Variants in SCN11A observed in about 807,000 individuals in gnomAD.
The protein encoded by SCN11A is sodium channel protein type 11 subunit alpha.
A neutral mutation model predicts 162.2 loss-of-function variants in SCN11A; 122 were observed. The ratio of observed to expected loss-of-function variants is 0.75; its 90% CI spans 0.65 to 0.87. The LOEUF is 0.87. Among genes scored for constraint, SCN11A ranks in the 40% least tolerant of loss-of-function variants. The pLI, the probability that SCN11A is intolerant of heterozygous loss-of-function variation, is 0.00. For synonymous variants in SCN11A, 758 were observed against 751.5 expected, an observed-to-expected ratio of 1.01 and a Z score of -0.14; for missense variants, 2,015 against 2,181.6, an observed-to-expected ratio of 0.92 and a Z score of 1.52.
At chr3:39,018,774 C>T (rs1175935454) in intron 2 of SCN11A, among the ~76,000 whole-genome samples, 2 of 152,034 alleles carry the variant, frequency 1.3e-5, no homozygotes, top group African/African-American at 4.8e-5. Flanking sequence ...GCCGAGATGG[C>T]GCCACTGCAC....
At position 38,920,939 on chromosome 3, in the gene SCN11A, AGGAGCAC is replaced by A. The variant is rs2066039779; in HGVS notation, c.892+130_892+136del. On this transcript the variant is annotated intron_variant, in intron 10 of 29. Coordinates refer to ENST00000302328, the MANE Select transcript of SCN11A (RefSeq NM_001349253.2). ...TTCTCTAGGAAATGCATCTGCCCAC[AGGAGCAC>A]CCTGGATGGATGAAGTCCTCCCTTG... 24 of 789,474 alleles carry A rather than the reference AGGAGCAC, an allele frequency of 3.0e-5. No individual in the cohort carries two copies. The South Asian group carries it at 4.1e-4, about 13-fold the overall frequency. 48.9% of individuals were successfully genotyped at this position (789,474 alleles called of 1,614,324 possible). A position where few individuals can be genotyped will look rare whatever the true frequency, so the allele number is the denominator to read the frequency against.
At chr3:39,001,064 C>A (rs757879003) in intron 2 of SCN11A, among the ~76,000 whole-genome samples, 1 of 152,162 alleles carries the variant, frequency 6.6e-6, no homozygotes, top group Non-Finnish European at 1.5e-5. Context: ...ACAAAATCCA[C>A]GATTATGCCA....
At position 38,925,528 on chromosome 3, in the gene SCN11A, G is replaced by A. The variant is rs1225370727; in HGVS notation, c.618-19C>T. ...CACAATCCTACAAGACAAAGCACAG[G>A]GAAGGCATGGGCTTGCTCAGTCCTG... On this transcript the variant is annotated intron_variant, in intron 8 of 29. Coordinates refer to ENST00000302328, the MANE Select transcript of SCN11A (RefSeq NM_001349253.2). 2 of 1,554,872 alleles carry A rather than the reference G, an allele frequency of 1.3e-6. No individual in the cohort carries two copies.
At chr3:38,912,665 G>T (rs1383907104) in intron 11 of SCN11A, among the ~76,000 whole-genome samples, 1 of 151,924 alleles carries the variant, frequency 6.6e-6, no homozygotes, top group Non-Finnish European at 1.5e-5. Context: ...AGTAGCTGTT[G>T]TTCTTTTCTA....
intron 11 of SCN11A, among the ~76,000 whole-genome samples, chr3:38,918,480 A>C (rs1393897110): frequency 6.6e-6 from 1 of 152,216 alleles, no homozygotes; most frequent in Non-Finnish European, 1.5e-5. Context: ...CACGCTCCTT[A>C]TGAGAATCTA....
At chr3:38,865,036 GTGTTCTAAAATATTTA>G (rs531652833) in intron 27 of SCN11A, among the ~76,000 whole-genome samples, 18 of 152,218 alleles carry the variant, frequency 1.2e-4, no homozygotes, top group African/African-American at 4.1e-4. Context: ...AAAAAGAGAT[GTGTTCTAAAATATTTA>G]TGAATCAAAT....
At chr3:38,974,567 C>T (rs1324469259) in intron 2 of SCN11A, among the ~76,000 whole-genome samples, 2 of 151,656 alleles carry the variant, frequency 1.3e-5, no homozygotes, top group African/African-American at 2.4e-5. Flanking sequence ...TGGCAGCAGG[C>T]GCCTGTAGTC....
intron 2 of SCN11A, among the ~76,000 whole-genome samples, chr3:38,980,223 G>A (rs1039473294): frequency 4.6e-5 from 7 of 151,040 alleles, no homozygotes; most frequent in Non-Finnish European, 8.8e-5. Context: ...ATCTCTTTCT[G>A]CTTTCTTTGA....
At chr3:39,049,730 T>C (rs778905348) in intron 1 of SCN11A, among the ~76,000 whole-genome samples, 21 of 152,220 alleles carry the variant, frequency 1.4e-4, no homozygotes, top group Non-Finnish European at 2.5e-4. Context: ...GTTCATTTCA[T>C]CCATATGATT....
chr3:38,883,533 A>C (rs2065345649), intron 21 of SCN11A, 146 bp from the exon 22 acceptor site: 1 of 703,028 alleles, frequency 1.4e-6, no homozygotes, highest in Non-Finnish European at 2.3e-6. Flanking sequence ...TTTTTCTAAC[A>C]TCTTAAATCT....
chr3:39,018,634 T>C (rs1434741116), intron 2 of SCN11A, among the ~76,000 whole-genome samples: 1 of 151,918 alleles, frequency 6.6e-6, no homozygotes, highest in Admixed American at 6.6e-5. Context: ...CTGGCTAACA[T>C]GGTGAAATCC....
chr3:38,883,373 AG>A lies in SCN11A; in HGVS notation c.3078del (p.Pro1028HisfsTer25). 6.2e-7 allele frequency: 1 copy of A among 1,612,960 alleles called. No homozygotes were observed. The highest frequency in any genetic ancestry group is 8.5e-7 in the Non-Finnish European group (1 of 1,179,594). ...ERCLPKGFGC[C>X]FPCCSVDKRK... ...CTCTTGTCCACGCTACAGCATGGAA[AG>A]CAGCAACCAAAGCCTGAAAGGAATT... On this transcript the variant is annotated frameshift_variant, in exon 22 of 30. Transcript: ENST00000302328. LOFTEE classifies it high-confidence loss of function.
intron 9 of SCN11A, among the ~76,000 whole-genome samples, chr3:38,921,724 G>A (rs967169656): frequency 1.1e-4 from 16 of 152,124 alleles, no homozygotes; most frequent in African/African-American, 3.9e-4. Flanking sequence ...AAGGAGATTT[G>A]TCTAGACCCA....
intron 7 of SCN11A, among the ~76,000 whole-genome samples, chr3:38,937,037 G>A (rs2066344961): frequency 6.6e-6 from 1 of 152,054 alleles, no homozygotes; most frequent in Non-Finnish European, 1.5e-5. Context: ...TAGATCAATG[G>A]AACAGAACAG....
chr3:38,975,674 G>A (rs1014562625), intron 2 of SCN11A, among the ~76,000 whole-genome samples: 1 of 152,142 alleles, frequency 6.6e-6, no homozygotes, highest in African/African-American at 2.4e-5. Flanking sequence ...AGTAAGAAAA[G>A]GAAAAGAAGT....
chr3:38,879,834 A>T, intron 23 of SCN11A, 116 bp downstream of exon 23: 1 of 784,186 alleles, frequency 1.3e-6, no homozygotes, highest in South Asian at 1.8e-5. Context: ...AATGATAACA[A>T]GAAAAACTAT....
chr3:38,905,088 C>T, intron 15 of SCN11A, 104 bp downstream of exon 15: 1 of 1,506,230 alleles, frequency 6.6e-7, no homozygotes, highest in Non-Finnish European at 9.2e-7. Context: ...GGGTTGGTTC[C>T]AAAACAGCCT....
At chr3:38,867,839 C>T (rs867204492) in intron 26 of SCN11A, among the ~76,000 whole-genome samples, 11 of 152,190 alleles carry the variant, frequency 7.2e-5, no homozygotes, top group South Asian at 2.1e-4. Context: ...AGGAGGGGCA[C>T]GTTCACCTTG....
At chr3:38,937,027 T>C (rs1349609445) in intron 7 of SCN11A, among the ~76,000 whole-genome samples, 3 of 152,068 alleles carry the variant, frequency 2.0e-5, no homozygotes, top group Non-Finnish European at 4.4e-5. Flanking sequence ...AACAGAGATA[T>C]AGATCAATGG....
Sources: gnomAD v4.1 joint callset for allele counts (sites outside exome capture counted in the v4.1 genomes callset) on GRCh38, gnomAD v4.1.1 for gene constraint, MANE v1.5 for transcripts, NCBI Gene and HGNC (gene_info 2026-07-23, HGNC 2026-07-21) for gene names.